Variants in STK32B observed in about 807,000 individuals in gnomAD.
STK32B encodes serine/threonine-protein kinase 32B.
In STK32B, 43 loss-of-function variants were observed where a neutral mutation model predicts 52.6. The ratio of observed to expected loss-of-function variants is 0.82; its 90% CI spans 0.64 to 1.05. The LOEUF is 1.05. Ranked by LOEUF, STK32B falls within the 50% of genes least tolerant of loss-of-function variation. STK32B has a pLI of 0.00. For missense variants in STK32B, 621 were observed against 534.6 expected, an observed-to-expected ratio of 1.16 and a Z score of -1.59; for synonymous variants, 238 against 204.3, an observed-to-expected ratio of 1.17 and a Z score of -1.41.
At chr4:5,203,771 C>CTCACCTCCCCCAGCTTCGTTATGCT (rs1722339641) in intron 3 of STK32B, among the ~76,000 whole-genome samples, 1 of 152,168 alleles carries the variant, frequency 6.6e-6, no homozygotes, top group Non-Finnish European at 1.5e-5. Context: ...CTTCCGTGTG[C>CTCACCTCCCCCAGCTTCGTTATGCT]TCACCTCCCC....
At chr4:5,174,302 T>C (rs564544041) in intron 3 of STK32B, among the ~76,000 whole-genome samples, 2 of 152,298 alleles carry the variant, frequency 1.3e-5, no homozygotes, top group South Asian at 4.1e-4. Flanking sequence ...CCCATTTACA[T>C]TTAAGGTTAA....
chr4:5,415,735 T>C (rs879425428), intron 5 of STK32B, among the ~76,000 whole-genome samples: 3 of 152,182 alleles, frequency 2.0e-5, no homozygotes, highest in African/African-American at 7.2e-5. Flanking sequence ...CACATGTCAG[T>C]GCTGGCAGTT....
At chr4:5,283,022 T>TC (rs1728308970) in intron 3 of STK32B, among the ~76,000 whole-genome samples, 1 of 152,128 alleles carries the variant, frequency 6.6e-6, no homozygotes, top group African/African-American at 2.4e-5. Context: ...TCAAAACCTA[T>TC]CCTTTCTATT....
intron 1 of STK32B, among the ~76,000 whole-genome samples, chr4:5,113,705 C>T (rs1461020742): frequency 6.6e-6 from 1 of 152,168 alleles, no homozygotes; most frequent in Non-Finnish European, 1.5e-5. Context: ...CTCCGCAGCC[C>T]CTCATGGTCT....
Position 5,394,138 on chromosome 4 carries a change from A to G in STK32B, c.435-4069A>G, listed in dbSNP as rs1312942989. Among the ~76,000 whole-genome samples the G allele has an allele frequency of 1.4e-4, 22 of 152,092 alleles. No individual in the cohort carries two copies. Among genetic ancestry groups the G allele is most frequent in the Admixed American group, 1.4e-3 (21 of 15,278 alleles). ...GTACCTCTGGATCAGAGCCATTTCT[A>G]TGCTGTTTTTTAAAATATCCCAGCT... On this transcript the variant is annotated intron_variant, in intron 4 of 11. Transcript: ENST00000282908. This position sits in a 1 kb window ranked among gnomAD's most constrained non-coding sequence, Gnocchi z 4.2.
chr4:5,371,443 C>T (rs1165538091), intron 4 of STK32B, among the ~76,000 whole-genome samples: 2 of 152,090 alleles, frequency 1.3e-5, no homozygotes, highest in Non-Finnish European at 2.9e-5. Context: ...AGATGGGTCT[C>T]GAGGATGAGG....
rs2089030 is a variant in STK32B at position 5,382,259 on chromosome 4, C to T, written c.435-15948C>T. ...CGTTAACTCATAAAGTTAACCATCC[C>T]GCTGGTGACCCTGGGAAAGTCACTC... On this transcript the variant is annotated intron_variant, in intron 4 of 11. Transcript: ENST00000282908. 4.0e-3 allele frequency among the ~76,000 whole-genome samples: 608 copies of T among 152,266 alleles called. 4 individuals are homozygous for T. The highest frequency in any genetic ancestry group is 0.014 in the African/African-American group (580 of 41,534).
At chr4:5,128,230 CTGT>C (rs1270077750) in intron 1 of STK32B, among the ~76,000 whole-genome samples, 2 of 152,216 alleles carry the variant, frequency 1.3e-5, no homozygotes, top group Non-Finnish European at 2.9e-5. Context: ...CAATGAATTT[CTGT>C]TGTTTTAAGC....
At chr4:5,298,237 G>A (rs752378737) in intron 3 of STK32B, among the ~76,000 whole-genome samples, 4 of 152,222 alleles carry the variant, frequency 2.6e-5, no homozygotes, top group Admixed American at 6.5e-5. Context: ...GCTGCGAGGT[G>A]TCTCCCAGTC....
At chr4:5,454,859 A>T (rs1405852856) in intron 7 of STK32B, among the ~76,000 whole-genome samples, 1 of 152,188 alleles carries the variant, frequency 6.6e-6, no homozygotes, top group Admixed American at 6.5e-5. Flanking sequence ...GGGATCTCAC[A>T]CACGCAATGA....
At chr4:5,143,690 C>G (rs931627855) in intron 2 of STK32B, among the ~76,000 whole-genome samples, 4 of 152,160 alleles carry the variant, frequency 2.6e-5, no homozygotes, top group Non-Finnish European at 4.4e-5. Flanking sequence ...CTGCTGTTCT[C>G]TCTGCCTGGC....
rs1373999156 is a variant in STK32B at position 5,442,428 on chromosome 4, C to G, written c.563-4245C>G. The stretch of plus-strand genomic sequence containing the variant: ...TTTATCAGAGACTAGGATTGCAACC[C>G]CTGCCTTTTTTTGTTTTCCACTGGC... On this transcript the variant is annotated intron_variant, in intron 6 of 11. Coordinates refer to ENST00000282908, the MANE Select transcript of STK32B (RefSeq NM_018401.3). 6.6e-5 allele frequency among the ~76,000 whole-genome samples: 10 copies of G among 151,692 alleles called. No homozygotes were observed. In the South Asian group the frequency reaches 1.9e-3, roughly 29 times the overall value.
At chr4:5,260,130 C>T (rs1304359076) in intron 3 of STK32B, among the ~76,000 whole-genome samples, 1 of 152,106 alleles carries the variant, frequency 6.6e-6, no homozygotes, top group East Asian at 1.9e-4. Context: ...GCCGTACACA[C>T]TAAAATTTAC....
chr4:5,395,477 C>G lies in STK32B; in HGVS notation c.435-2730C>G, dbSNP rs1396979884. On this transcript the variant is annotated intron_variant, in intron 4 of 11. Coordinates refer to ENST00000282908, the MANE Select transcript of STK32B (RefSeq NM_018401.3). This position sits in a 1 kb window ranked among gnomAD's most constrained non-coding sequence, Gnocchi z 4.4. ...CTTAAAGGTCTTCCTGACCATCTAC[C>G]AAAACTAGGGTCCCTCTATTAGTCT... Among the ~76,000 whole-genome samples the G allele has an allele frequency of 6.6e-6, 1 of 152,178 alleles. No homozygotes were observed. The highest frequency in any genetic ancestry group is 1.5e-5 in the Non-Finnish European group (1 of 68,028).
intron 7 of STK32B, among the ~76,000 whole-genome samples, chr4:5,456,359 T>C (rs993528774): frequency 4.6e-5 from 7 of 152,224 alleles, no homozygotes; most frequent in Non-Finnish European, 7.4e-5. Flanking sequence ...ATCTCAGCTC[T>C]GTCCACCCCA....
intron 9 of STK32B, among the ~76,000 whole-genome samples, chr4:5,463,649 A>G (rs1326737129): frequency 6.6e-6 from 1 of 150,768 alleles, no homozygotes; most frequent in African/African-American, 2.4e-5. Flanking sequence ...TCCCATACAA[A>G]CACACACACA....
upstream of STK32B, among the ~76,000 whole-genome samples, chr4:5,049,955 G>C (rs1741699136): frequency 6.6e-6 from 1 of 152,120 alleles, no homozygotes; most frequent in Non-Finnish European, 1.5e-5. Flanking sequence ...GCACCTTCTG[G>C]ACTCAGATGA....
At chr4:5,173,694 T>C (rs1331395896) in intron 3 of STK32B, among the ~76,000 whole-genome samples, 4 of 152,244 alleles carry the variant, frequency 2.6e-5, no homozygotes, top group Non-Finnish European at 5.9e-5. Flanking sequence ...TCTGTTCTTT[T>C]ACATTTGCTG....
chr4:5,496,566 T>C (rs1352081277), intron 11 of STK32B, among the ~76,000 whole-genome samples: 1 of 128,514 alleles, frequency 7.8e-6, no homozygotes, highest in Non-Finnish European at 1.5e-5. Flanking sequence ...CACTGTCCTG[T>C]GCCCACTGTC....
Sources: allele counts gnomAD v4.1 joint callset (sites outside exome capture counted in the v4.1 genomes callset), GRCh38; gene constraint gnomAD v4.1.1; non-coding constraint Gnocchi (gnomAD v3.1); transcripts MANE v1.5; gene names NCBI Gene and HGNC (gene_info 2026-07-23, HGNC 2026-07-21).